KBTBD12: variants seen among roughly 807,000 people sequenced by gnomAD.
The protein encoded by KBTBD12 is kelch repeat and BTB domain containing 12, also known as kelch repeat and BTB domain-containing protein 12.
KBTBD12 carries 53 observed loss-of-function variants against 58.7 expected under a neutral mutation model. The ratio of observed to expected loss-of-function variants is 0.90; its 90% CI spans 0.72 to 1.14. The LOEUF (loss-of-function observed/expected upper bound fraction) is 1.14. Ranked by LOEUF, KBTBD12 falls within the 50% of genes most tolerant of loss-of-function variation. KBTBD12 has a pLI of 0.00. For synonymous variants in KBTBD12, 236 were observed against 259.8 expected (o/e 0.91, Z 0.88); for missense variants, 704 against 751.3 (o/e 0.94, Z 0.74).
rs769390188 is a variant in KBTBD12, at chr3:127,923,697, T to C, written c.636T>C (p.His212=). 6.2e-7 allele frequency: 1 copy of C among 1,613,860 alleles called. No homozygotes were observed. Among genetic ancestry groups the C allele is most frequent in the East Asian group, 2.2e-5 (1 of 44,880 alleles). The stretch of plus-strand genomic sequence containing the variant: ...ATAACAAAGAATTGCGTACAGTGCA[T>C]CTTGTTGAGCTTTTGAAGCAAGTCA... ...VNHNKELRTV[H]LVELLKQVRL... Residue 212 remains histidine (H), a synonymous_variant, in exon 2 of 6, where the codon CAT becomes CAC. Transcript: ENST00000405109.
chr3:127,919,129 CT>C (rs1939335091), intron 1 of KBTBD12, among the ~76,000 whole-genome samples: 1 of 152,142 alleles, frequency 6.6e-6, no homozygotes, highest in African/African-American at 2.4e-5. Flanking sequence ...TGTCTTCAGT[CT>C]TTCCTCGATA....
intron 4 of KBTBD12, among the ~76,000 whole-genome samples, chr3:127,945,557 C>T (rs2107601340): frequency 6.6e-6 from 1 of 151,936 alleles, no homozygotes; most frequent in Admixed American, 6.6e-5. Flanking sequence ...TGATGATGAG[C>T]ATCTTTTCAT....
At chr3:127,945,379 T>C (rs1261845910) in intron 4 of KBTBD12, among the ~76,000 whole-genome samples, 1 of 151,022 alleles carries the variant, frequency 6.6e-6, no homozygotes, top group Non-Finnish European at 1.5e-5. Context: ...AGAGACAGGG[T>C]TTCACCCTGT....
chr3:127,932,178 A>C (rs1442506608), intron 4 of KBTBD12, among the ~76,000 whole-genome samples: 6 of 152,250 alleles, frequency 3.9e-5, no homozygotes, highest in African/African-American at 1.4e-4. Context: ...GAACAGATTC[A>C]TGATCACCCC....
chr3:127,954,144 C>G (rs1447753937), intron 4 of KBTBD12, among the ~76,000 whole-genome samples: 1 of 152,192 alleles, frequency 6.6e-6, no homozygotes, highest in African/African-American at 2.4e-5. Flanking sequence ...GTCATTTGTA[C>G]AGTGAAAGCT....
At chr3:127,945,164 C>CTGTTTTTTTTTTTTTT (rs1940048304) in intron 4 of KBTBD12, among the ~76,000 whole-genome samples, 1 of 28,780 alleles carries the variant, frequency 3.5e-5, no homozygotes, top group Non-Finnish European at 6.9e-5. Context: ...TAGTAGCTAT[C>CTGTTTTTTTTTTTTTT]TTTTTTTTTT....
At chr3:127,939,866 C>G (rs1460961672) in intron 4 of KBTBD12, among the ~76,000 whole-genome samples, 1 of 151,918 alleles carries the variant, frequency 6.6e-6, no homozygotes, top group East Asian at 1.9e-4. Context: ...TACATGAAAC[C>G]CACTTCAACT....
At chr3:127,932,829 C>A (rs1939736424) in intron 4 of KBTBD12, among the ~76,000 whole-genome samples, 1 of 152,090 alleles carries the variant, frequency 6.6e-6, no homozygotes, top group African/African-American at 2.4e-5. Flanking sequence ...TATTGAGCCC[C>A]TTTGTTACAG....
chr3:127,940,860 A>G (rs575858312), intron 4 of KBTBD12, among the ~76,000 whole-genome samples: 2 of 152,306 alleles, frequency 1.3e-5, no homozygotes, highest in Admixed American at 1.3e-4. Context: ...AATATTAGAA[A>G]TGAAAAGGGA....
intron 4 of KBTBD12, among the ~76,000 whole-genome samples, chr3:127,935,132 G>T (rs1318730242): frequency 6.6e-6 from 1 of 151,998 alleles, no homozygotes; most frequent in Admixed American, 6.6e-5. Context: ...CCCATCATAG[G>T]TTGAAAATAT....
chr3:127,927,084 T>C (rs1939589543), intron 2 of KBTBD12, among the ~76,000 whole-genome samples: 1 of 152,152 alleles, frequency 6.6e-6, no homozygotes, highest in South Asian at 2.1e-4. Flanking sequence ...TGAGAGACCA[T>C]ATATACTAAT....
intron 4 of KBTBD12, among the ~76,000 whole-genome samples, chr3:127,935,229 T>G (rs1939802326): frequency 1.3e-5 from 2 of 152,106 alleles, no homozygotes; most frequent in South Asian, 4.1e-4. Flanking sequence ...CATCATTAAG[T>G]TGGGGACCAT....
chr3:127,930,218 C>A lies in KBTBD12; in HGVS notation c.1427C>A (p.Ala476Glu). 1 of 1,609,696 alleles carries A rather than the reference C, an allele frequency of 6.2e-7. No homozygotes were observed. Among genetic ancestry groups the A allele is most frequent in the Non-Finnish European group, 8.5e-7 (1 of 1,177,758 alleles). ...DPSQDQWSVR[A>E]PMKYSKYRFS... ...AGCCAAGATCAATGGAGTGTGCGGGCACCCATGAAGTACTCTAAGTACCGA... is the reference window on the plus strand; with the variant it reads ...AGCCAAGATCAATGGAGTGTGCGGGAACCCATGAAGTACTCTAAGTACCGA... Residue 476 changes from alanine (A) to glutamate (E), a missense_variant, in exon 4 of 6, where the codon GCA becomes GAA. Physicochemically the swap from Ala to Glu is moderately radical, Grantham distance 107 (BLOSUM62 -1). Coordinates refer to ENST00000405109, the MANE Select transcript of KBTBD12 (RefSeq NM_207335.4).
chr3:127,941,261 C>T (rs1939944525), intron 4 of KBTBD12, among the ~76,000 whole-genome samples: 1 of 152,130 alleles, frequency 6.6e-6, no homozygotes, highest in South Asian at 2.1e-4. Flanking sequence ...CTCTTAAACA[C>T]AAACATGCAA....
chr3:127,920,577 A>T (rs139785292), intron 1 of KBTBD12, among the ~76,000 whole-genome samples: 107 of 152,278 alleles, frequency 7.0e-4, no homozygotes, highest in African/African-American at 2.4e-3. Flanking sequence ...GTCATATATC[A>T]ACCATTATTT....
intron 4 of KBTBD12, among the ~76,000 whole-genome samples, chr3:127,961,282 T>C (rs1301282865): frequency 1.3e-5 from 2 of 152,152 alleles, no homozygotes; most frequent in African/African-American, 4.8e-5. Context: ...AGTGCCACAT[T>C]GAAAGAGGGC....
At chr3:127,920,720 T>C (rs1163504195) in intron 1 of KBTBD12, among the ~76,000 whole-genome samples, 1 of 151,686 alleles carries the variant, frequency 6.6e-6, no homozygotes, top group Non-Finnish European at 1.5e-5. Flanking sequence ...TTTACAGTGG[T>C]CCATTTCTCA....
chr3:127,937,198 AC>A (rs1477490256), intron 4 of KBTBD12, among the ~76,000 whole-genome samples: 2 of 151,956 alleles, frequency 1.3e-5, no homozygotes, highest in African/African-American at 4.8e-5. Flanking sequence ...AACAACAACA[AC>A]AACAACAACA....
intron 1 of KBTBD12, among the ~76,000 whole-genome samples, chr3:127,921,853 C>G (rs1267765896): frequency 6.6e-6 from 1 of 152,082 alleles, no homozygotes; most frequent in African/African-American, 2.4e-5. Context: ...TAAAACAGGA[C>G]CATTTCACTT....
Sources: allele counts gnomAD v4.1 joint callset (sites outside exome capture counted in the v4.1 genomes callset), GRCh38; gene constraint gnomAD v4.1.1; transcripts MANE v1.5; gene names NCBI Gene and HGNC (gene_info 2026-07-23, HGNC 2026-07-21).